The following DPP6 variants were observed in gnomAD, a reference collection of about 807,000 sequenced individuals.
DPP6 encodes the protein dipeptidyl peptidase like 6.
In DPP6, 69 loss-of-function variants were observed where a neutral mutation model predicts 122.6. The observed-to-expected ratio is 0.56, with a 90% confidence interval of 0.46 to 0.69. The LOEUF (loss-of-function observed/expected upper bound fraction) is 0.69. DPP6 is among the 30% of genes least tolerant of loss of function. The pLI, the probability that DPP6 is intolerant of heterozygous loss-of-function variation, is 0.00. For synonymous variants in DPP6, 418 were observed against 433.1 expected (o/e 0.97, Z 0.43); for missense variants, 928 against 1,116.9 (o/e 0.83, Z 2.41).
At chr7:154,427,996 A>G (rs1464475348) in intron 1 of DPP6, among the ~76,000 whole-genome samples, 5 of 152,204 alleles carry the variant, frequency 3.3e-5, no homozygotes, top group African/African-American at 9.6e-5. Context: ...AATTATCGTC[A>G]TTTTGAGCTT....
intron 1 of DPP6, among the ~76,000 whole-genome samples, chr7:154,009,537 G>A (rs1158998327): frequency 1.3e-5 from 2 of 151,744 alleles, no homozygotes; most frequent in Non-Finnish European, 2.9e-5. Flanking sequence ...CTGGTCTCCT[G>A]CTAATGAGAT....
rs571883604 is a variant in DPP6, at chr7:154,475,001, T to G, written c.421T>G (p.Phe141Val). ...TGTAGAAGATCTCTTCAGTGAAGACTTCAAAATTCATGACCCCGAGGCTAA... is the reference window on the plus strand; with the variant it reads ...TGTAGAAGATCTCTTCAGTGAAGACGTCAAAATTCATGACCCCGAGGCTAA... ...VTVEDLFSED[F>V]KIHDPEAKWI... Residue 141 changes from phenylalanine to valine, a missense_variant, in exon 3 of 26, where the codon TTC becomes GTC. Physicochemically the swap from Phe to Val is conservative, Grantham distance 50. Transcript: ENST00000377770. 8.1e-6 allele frequency: 13 copies of G among 1,613,872 alleles called. No homozygotes were observed. In the East Asian group the frequency reaches 2.7e-4, roughly 33 times the overall value.
rs369329684 is a variant in DPP6 at position 154,223,746 on chromosome 7, G to A, written c.243+170683G>A. ...TGTGCCACATCTTCCTAGAAGCAACGGGAACCCATGGAGAGGCTCTTGGGG... is the reference window on the plus strand; with the variant it reads ...TGTGCCACATCTTCCTAGAAGCAACAGGAACCCATGGAGAGGCTCTTGGGG... On this transcript the variant is annotated intron_variant, in intron 1 of 25. Coordinates refer to ENST00000377770, the MANE Select transcript of DPP6 (RefSeq NM_130797.4). 1.9e-4 allele frequency among the ~76,000 whole-genome samples: 29 copies of A among 149,358 alleles called. 4 individuals carry two copies. The highest frequency in any genetic ancestry group is 7.4e-4 in the African/African-American group (29 of 39,268).
intron 1 of DPP6, among the ~76,000 whole-genome samples, chr7:154,156,324 T>G (rs1796678636): frequency 6.6e-6 from 1 of 152,248 alleles, no homozygotes; most frequent in Admixed American, 6.5e-5. Context: ...AATTGCTTTT[T>G]AAACAGGAGT....
chr7:154,637,062 G>A (rs961284889), intron 5 of DPP6, among the ~76,000 whole-genome samples: 1 of 152,196 alleles, frequency 6.6e-6, no homozygotes, highest in Non-Finnish European at 1.5e-5. Flanking sequence ...GATGAAGGAT[G>A]CTAACATTTC....
rs202168490 is a variant in DPP6 at position 154,778,555 on chromosome 7, ACC to A, written c.1136+5621_1136+5622del. Among the ~76,000 whole-genome samples the A allele has an allele frequency of 6.5e-5, 9 of 138,596 alleles. No individual in the cohort carries two copies. The South Asian group carries it at 1.2e-3, about 19-fold the overall frequency. 90.9% of individuals were successfully genotyped at this position (138,596 alleles called of 152,430 possible). A position where few individuals can be genotyped will look rare whatever the true frequency, so the allele number is the denominator to read the frequency against. ...AGTTCTCATACCTAATGGCTTGAGCACCCCCCCCCAAAAAAAACCACCACCAT... is the reference window on the plus strand; with the variant it reads ...AGTTCTCATACCTAATGGCTTGAGCACCCCCCCAAAAAAAACCACCACCAT... On this transcript the variant is annotated intron_variant, in intron 10 of 25. Transcript: ENST00000377770.
intron 1 of DPP6, among the ~76,000 whole-genome samples, chr7:153,957,683 T>G (rs1283196796): frequency 6.6e-6 from 1 of 152,246 alleles, no homozygotes; most frequent in Non-Finnish European, 1.5e-5. Context: ...TTATTCATCC[T>G]ACTCTCCACT....
At chr7:154,320,286 C>T (rs1159588272) in intron 1 of DPP6, among the ~76,000 whole-genome samples, 2 of 152,034 alleles carry the variant, frequency 1.3e-5, no homozygotes, top group Non-Finnish European at 1.5e-5. Context: ...GTGTCCAGTG[C>T]GGTCTCCATA....
intron 1 of DPP6, among the ~76,000 whole-genome samples, chr7:154,384,496 G>A (rs1007198541): frequency 2.0e-5 from 3 of 152,216 alleles, no homozygotes; most frequent in South Asian, 2.1e-4. Context: ...AAGAAGAGGT[G>A]CAGGGTGGTG....
the DPP6 span, among the ~76,000 whole-genome samples, chr7:153,858,230 T>G: frequency 3.1e-3 from 471 of 152,252 alleles, 3 homozygotes; most frequent in African/African-American, 0.011. Flanking sequence ...AATTGTAGAT[T>G]TGTGGTAACC....
At chr7:153,813,647 G>A in the DPP6 span, among the ~76,000 whole-genome samples, 6 of 152,026 alleles carry the variant, frequency 3.9e-5, no homozygotes, top group South Asian at 2.1e-4. Flanking sequence ...CACCAACAGT[G>A]TAAAAGTGTT....
the DPP6 span, among the ~76,000 whole-genome samples, chr7:153,826,583 G>A: frequency 2.0e-5 from 3 of 152,200 alleles, no homozygotes; most frequent in African/African-American, 7.2e-5. Flanking sequence ...GATACAAAAG[G>A]TTTCTGCTAA....
the DPP6 span, among the ~76,000 whole-genome samples, chr7:153,837,080 A>G: frequency 0.48 from 73,287 of 152,020 alleles, 19,103 homozygotes; most frequent in Admixed American, 0.57. Flanking sequence ...TGACACTGAG[A>G]TCAGAAGACA....
chr7:154,053,076 C>T lies in DPP6; in HGVS notation c.243+13C>T, dbSNP rs766225066. On this transcript the variant is annotated intron_variant, in intron 1 of 25. Transcript: ENST00000377770. Reference sequence around the variant, plus strand: ...TGACGAGGAGGACGTAAGAGCTTCTCGGGGGCGGGGGGCGGCGGCGGGTTC... The same window carrying T: ...TGACGAGGAGGACGTAAGAGCTTCTTGGGGGCGGGGGGCGGCGGCGGGTTC... 1 of 594,712 alleles carries T rather than the reference C, an allele frequency of 1.7e-6. No individual in the cohort carries two copies. The highest frequency in any genetic ancestry group is 2.0e-6 in the Non-Finnish European group (1 of 498,110). 36.8% of individuals were successfully genotyped at this position (594,712 alleles called of 1,614,324 possible).
intron 1 of DPP6, among the ~76,000 whole-genome samples, chr7:154,377,453 A>G (rs1237134304): frequency 6.6e-6 from 1 of 152,140 alleles, no homozygotes; most frequent in Non-Finnish European, 1.5e-5. Context: ...GATCATTGAT[A>G]TGATTTGGCT....
chr7:154,408,394 C>A (rs904491232), intron 1 of DPP6, among the ~76,000 whole-genome samples: 12 of 151,914 alleles, frequency 7.9e-5, no homozygotes, highest in Non-Finnish European at 2.9e-5. Context: ...TTCTTGATTT[C>A]TTTTATCCAA....
At chr7:154,289,951 G>C (rs1383493717) in intron 1 of DPP6, among the ~76,000 whole-genome samples, 1 of 152,164 alleles carries the variant, frequency 6.6e-6, no homozygotes, top group African/African-American at 2.4e-5. Flanking sequence ...TACAAGGTTT[G>C]GAAGAAAATG....
At position 154,572,027 on chromosome 7, in the gene DPP6, C is replaced by G. The variant is rs148251121; in HGVS notation, c.627+5111C>G. Among the ~76,000 whole-genome samples, 685 of 152,278 alleles carry G rather than the reference C, an allele frequency of 4.5e-3. 2 individuals are homozygous for G. The highest frequency in any genetic ancestry group is 0.015 in the African/African-American group (626 of 41,560). ...CTGGGGAGGAGTCTGCTTCCAAGCT[C>G]AGGGCATGGGTGTTGACAGGGCCCA... On this transcript the variant is annotated intron_variant, in intron 5 of 25. Coordinates refer to ENST00000377770, the MANE Select transcript of DPP6 (RefSeq NM_130797.4).
At chr7:153,765,847 G>A in the DPP6 span, among the ~76,000 whole-genome samples, 126 of 152,314 alleles carry the variant, frequency 8.3e-4, no homozygotes, top group African/African-American at 2.7e-3. Flanking sequence ...ACCCTTGAAT[G>A]ACTTATCCTT....
Sources: allele counts gnomAD v4.1 joint callset (sites outside exome capture counted in the v4.1 genomes callset), GRCh38; gene constraint gnomAD v4.1.1; transcripts MANE v1.5; gene names NCBI Gene and HGNC (gene_info 2026-07-23, HGNC 2026-07-21).